The following CPVL variants were observed in gnomAD, a reference collection of about 807,000 sequenced individuals.
The protein encoded by CPVL is probable serine carboxypeptidase CPVL.
In CPVL, 51 loss-of-function variants were observed where a neutral mutation model predicts 63.7. The ratio of observed to expected loss-of-function variants is 0.80; its 90% CI spans 0.64 to 1.01. The LOEUF (loss-of-function observed/expected upper bound fraction) is 1.01, where lower values mean the gene tolerates loss of function less well. Among genes scored for constraint, CPVL ranks in the 50% least tolerant of loss-of-function variants. CPVL has a pLI of 0.00. For synonymous variants in CPVL, 195 were observed against 206.0 expected (o/e 0.95, Z 0.46); for missense variants, 530 against 573.1 (o/e 0.92, Z 0.77).
At chr7:28,998,035 T>G (rs1784262181) in intron 12 of CPVL, among the ~76,000 whole-genome samples, 1 of 152,182 alleles carries the variant, frequency 6.6e-6, no homozygotes, top group Admixed American at 6.5e-5. Flanking sequence ...AAACCCAGCA[T>G]GCCCACTTTT....
chr7:29,105,146 T>A (rs779109002), intron 3 of CPVL, among the ~76,000 whole-genome samples: 1 of 152,304 alleles, frequency 6.6e-6, no homozygotes, highest in Admixed American at 6.5e-5. Flanking sequence ...TTGAGATATA[T>A]TTTAATAAAT....
chr7:29,155,812 T>C (rs1794282193), intron 5 of CPVL, among the ~76,000 whole-genome samples: 1 of 152,134 alleles, frequency 6.6e-6, no homozygotes, highest in Non-Finnish European at 1.5e-5. Context: ...ATTTTTTTTT[T>C]CTAGGCCTCA....
At chr7:29,180,277 G>A (rs7782790) in intron 5 of CPVL, among the ~76,000 whole-genome samples, 18,063 of 152,230 alleles carry the variant, frequency 0.12, 1,224 homozygotes, top group East Asian at 0.23. Context: ...TGTAATCCCA[G>A]CACTTTGGGA....
At chr7:29,177,692 A>T (rs1480249042) in intron 5 of CPVL, among the ~76,000 whole-genome samples, 2 of 150,776 alleles carry the variant, frequency 1.3e-5, no homozygotes, top group Admixed American at 6.6e-5. Flanking sequence ...CCATCCATCC[A>T]TCTGTGCAGT....
intron 12 of CPVL, among the ~76,000 whole-genome samples, chr7:28,996,566 A>G (rs1784090083): frequency 1.3e-5 from 2 of 151,908 alleles, no homozygotes; most frequent in South Asian, 2.1e-4. Context: ...AAAAAAAACA[A>G]AACAAAAAAC....
At chr7:29,078,517 G>A (rs971795723) in intron 7 of CPVL, among the ~76,000 whole-genome samples, 4 of 152,218 alleles carry the variant, frequency 2.6e-5, no homozygotes, top group African/African-American at 7.2e-5. Flanking sequence ...ACACTGGGCC[G>A]CAGTCAACAA....
chr7:29,005,181 G>A (rs899650615), intron 12 of CPVL, among the ~76,000 whole-genome samples: 2 of 151,882 alleles, frequency 1.3e-5, no homozygotes, highest in Non-Finnish European at 2.9e-5. Context: ...ATTACCCATC[G>A]CGCCTGGCCC....
At chr7:29,038,754 C>G (rs569150601) in intron 11 of CPVL, among the ~76,000 whole-genome samples, 123 of 152,282 alleles carry the variant, frequency 8.1e-4, no homozygotes, top group African/African-American at 2.8e-3. Context: ...TAAAAAAGAT[C>G]AGTAGGTCTC....
At chr7:29,045,244 T>C (rs1159534383) in intron 11 of CPVL, among the ~76,000 whole-genome samples, 1 of 152,204 alleles carries the variant, frequency 6.6e-6, no homozygotes, top group East Asian at 1.9e-4. Context: ...CTCTTTTCCC[T>C]TTATTCTCTG....
intron 1 of CPVL, among the ~76,000 whole-genome samples, chr7:29,142,748 A>T (rs1584386465): frequency 2.7e-5 from 4 of 149,698 alleles, no homozygotes; most frequent in Non-Finnish European, 1.5e-5. Flanking sequence ...CTGGTCTCAA[A>T]CTCCTGACCT....
chr7:29,040,398 G>A (rs1193340007), intron 11 of CPVL, among the ~76,000 whole-genome samples: 1 of 152,110 alleles, frequency 6.6e-6, no homozygotes, highest in Non-Finnish European at 1.5e-5. Context: ...CCCTGACTGG[G>A]GGCAGACTTG....
At chr7:29,162,504 A>C (rs569728474) in intron 5 of CPVL, among the ~76,000 whole-genome samples, 1 of 152,108 alleles carries the variant, frequency 6.6e-6, no homozygotes, top group African/African-American at 2.4e-5. Context: ...TCTACTAAAA[A>C]TACAAAATTA....
chr7:29,159,986 T>A (rs1794958116), intron 5 of CPVL, among the ~76,000 whole-genome samples: 1 of 152,212 alleles, frequency 6.6e-6, no homozygotes, highest in African/African-American at 2.4e-5. Flanking sequence ...TTGGTGGTCA[T>A]CTTCTGACTA....
chr7:29,057,895 T>C (rs1443782824), intron 11 of CPVL, among the ~76,000 whole-genome samples: 1 of 152,220 alleles, frequency 6.6e-6, no homozygotes, highest in Non-Finnish European at 1.5e-5. Context: ...CATACTTAAT[T>C]ATTACAATAA....
intron 11 of CPVL, among the ~76,000 whole-genome samples, chr7:29,036,506 G>T (rs1438124430): frequency 6.6e-6 from 1 of 152,150 alleles, no homozygotes. Flanking sequence ...GAAAAAGGCC[G>T]ACTGTAGGAA....
chr7:29,117,956 C>A (rs1430223226), intron 2 of CPVL, among the ~76,000 whole-genome samples: 6 of 152,210 alleles, frequency 3.9e-5, no homozygotes, highest in Admixed American at 3.9e-4. Context: ...ATTATGCCAA[C>A]CGACAGGGAT....
Position 29,190,364 on chromosome 7 carries a change from T to C in CPVL, c.-447-3817A>G, listed in dbSNP as rs1782731960. 2.0e-5 allele frequency among the ~76,000 whole-genome samples: 3 copies of C among 152,182 alleles called. No homozygotes were observed. In the South Asian group the frequency reaches 6.2e-4, roughly 32 times the overall value. ...AATCTTGAAAGTAAGGAATACAGTA[T>C]TTCATTCTGTGTTTAGCACAGGGAA... On this transcript the variant is annotated intron_variant, in intron 1 of 16. Coordinates refer to the CPVL transcript ENST00000409850.
At chr7:29,162,727 T>C (rs1240234672) in intron 5 of CPVL, among the ~76,000 whole-genome samples, 1 of 151,286 alleles carries the variant, frequency 6.6e-6, no homozygotes, top group East Asian at 1.9e-4. Flanking sequence ...GATTACACAT[T>C]GTATGATCTC....
At chr7:29,088,713 G>C in intron 6 of CPVL, among the ~76,000 whole-genome samples, 1 of 152,180 alleles carries the variant, frequency 6.6e-6, no homozygotes, top group Middle Eastern at 3.4e-3. Flanking sequence ...ATAAGTGGCC[G>C]GGCGCGGTGG....
Sources: allele counts gnomAD v4.1 joint callset (sites outside exome capture counted in the v4.1 genomes callset), GRCh38; gene constraint gnomAD v4.1.1; transcripts MANE v1.5; gene names NCBI Gene and HGNC (gene_info 2026-07-23, HGNC 2026-07-21).